Variants in MARCHF1 observed in about 807,000 individuals in gnomAD.
MARCHF1 encodes the protein membrane associated ring-CH-type finger 1.
Under a neutral mutation model 54.2 loss-of-function variants are expected in MARCHF1, and 40 were observed. The ratio of observed to expected loss-of-function variants is 0.74; its 90% CI spans 0.57 to 0.96. MARCHF1 has a LOEUF of 0.96. Among genes scored for constraint, MARCHF1 ranks in the 40% least tolerant of loss-of-function variants. The probability of loss-of-function intolerance (pLI) is 0.00; values close to 1 mark genes in which losing one functional copy is unlikely to be tolerated. For synonymous variants in MARCHF1, 236 were observed against 236.3 expected, an observed-to-expected ratio of 1.00 and a Z score of 0.01; for missense variants, 586 against 656.5, an observed-to-expected ratio of 0.89 and a Z score of 1.17.
chr4:164,106,028 C>T (rs1255458290), intron 2 of MARCHF1, among the ~76,000 whole-genome samples: 5 of 150,956 alleles, frequency 3.3e-5, no homozygotes, highest in Admixed American at 6.6e-5. Flanking sequence ...CTCATCATCA[C>T]TGGCCATCAG....
chr4:163,759,327 TC>T (rs1032787517), intron 4 of MARCHF1, among the ~76,000 whole-genome samples: 2 of 152,154 alleles, frequency 1.3e-5, no homozygotes, highest in African/African-American at 4.8e-5. Context: ...AACTTAATCT[TC>T]CAAAAGGTAC....
At chr4:163,617,245 A>C (rs752727677) in intron 5 of MARCHF1, among the ~76,000 whole-genome samples, 3 of 152,138 alleles carry the variant, frequency 2.0e-5, no homozygotes, top group Non-Finnish European at 2.9e-5. Flanking sequence ...GAGACTGGCA[A>C]GGATAGGGAA....
At chr4:164,001,239 C>T (rs1753181037) in intron 2 of MARCHF1, among the ~76,000 whole-genome samples, 1 of 151,706 alleles carries the variant, frequency 6.6e-6, no homozygotes, top group Non-Finnish European at 1.5e-5. Context: ...AGTAACTTCT[C>T]TTGTGGCCTA....
chr4:163,873,152 TTCTTCAGCTAATGAACAATC>T (rs1750214755), intron 3 of MARCHF1, among the ~76,000 whole-genome samples: 1 of 152,252 alleles, frequency 6.6e-6, no homozygotes, highest in Admixed American at 6.5e-5. Context: ...CTTAAGGTTT[TTCTTCAGCTAATGAACAATC>T]TCTCTCTTTC....
At chr4:163,732,027 G>A (rs1257419469) in intron 4 of MARCHF1, among the ~76,000 whole-genome samples, 6 of 152,078 alleles carry the variant, frequency 3.9e-5, no homozygotes, top group Non-Finnish European at 7.4e-5. Flanking sequence ...ATTGTTTGGT[G>A]TCAAATAAAT....
At chr4:164,243,934 A>G (rs1732856562) in intron 1 of MARCHF1, among the ~76,000 whole-genome samples, 1 of 152,240 alleles carries the variant, frequency 6.6e-6, no homozygotes, top group Admixed American at 6.5e-5. Context: ...TGCACCCAAT[A>G]CAGGAGCACC....
In MARCHF1 at chr4:163,648,455, TA is replaced by T. The variant is rs202178338; in HGVS notation, c.163-35063del. The stretch of plus-strand genomic sequence containing the variant: ...ATTTTAAGACATACTGACTGTTTCT[TA>T]AACATTTGAATAAATTTGATGCATA... On this transcript the variant is annotated intron_variant, in intron 5 of 9. Coordinates refer to ENST00000514618, the MANE Select transcript of MARCHF1 (RefSeq NM_001394959.1). Among the ~76,000 whole-genome samples the T allele has an allele frequency of 1.9e-4, 14 of 73,886 alleles. No homozygotes were observed. In the East Asian group the frequency reaches 4.6e-3, roughly 24 times the overall value. 48.5% of individuals were successfully genotyped at this position (73,886 alleles called of 152,430 possible).
chr4:164,283,177 TAGAG>T lies in MARCHF1; in HGVS notation c.-323+100689_-323+100692del, dbSNP rs1734067670. ...ATGTTTGTACACAAGCTTCTGAAGT[TAGAG>T]AGGAAAATCGCTTAACCTCGCTTAG... On this transcript the variant is annotated intron_variant, in intron 1 of 9. Coordinates refer to ENST00000514618, the MANE Select transcript of MARCHF1 (RefSeq NM_001394959.1). Among the ~76,000 whole-genome samples the T allele has an allele frequency of 2.0e-5, 3 of 151,140 alleles. No individual in the cohort carries two copies. The Admixed American group carries it at 2.0e-4, about 10-fold the overall frequency.
At chr4:164,107,920 C>T (rs542233328) in intron 2 of MARCHF1, among the ~76,000 whole-genome samples, 2 of 152,066 alleles carry the variant, frequency 1.3e-5, no homozygotes, top group Non-Finnish European at 2.9e-5. Context: ...CTCCATGAAT[C>T]ATTCACATAA....
At position 164,041,854 on chromosome 4, in the gene MARCHF1, C is replaced by T. The variant is rs180937685; in HGVS notation, c.-247-53145G>A. 2.9e-3 allele frequency among the ~76,000 whole-genome samples: 443 copies of T among 152,182 alleles called. 3 individuals are homozygous for T. The highest frequency in any genetic ancestry group is 9.6e-3 in the African/African-American group (399 of 41,528). ...ATGCTATAATATTTCATTTGCTTTT[C>T]TCTTTGTAGCTATCATAGAACACTA... On this transcript the variant is annotated intron_variant, in intron 2 of 9. Coordinates refer to ENST00000514618, the MANE Select transcript of MARCHF1 (RefSeq NM_001394959.1).
At chr4:163,823,743 T>C (rs13103455) in intron 4 of MARCHF1, among the ~76,000 whole-genome samples, 44,504 of 151,690 alleles carry the variant, frequency 0.29, 8,121 homozygotes, top group Non-Finnish European at 0.42. Flanking sequence ...AATTAACGTA[T>C]GCTAAAATAA....
At chr4:164,344,453 C>T (rs902940710) in intron 1 of MARCHF1, among the ~76,000 whole-genome samples, 3 of 138,852 alleles carry the variant, frequency 2.2e-5, no homozygotes, top group Admixed American at 7.4e-5. Flanking sequence ...TGCACATGCA[C>T]GTGTTTGTGT....
chr4:163,635,801 T>C (rs1250948661), intron 5 of MARCHF1, among the ~76,000 whole-genome samples: 1 of 152,088 alleles, frequency 6.6e-6, no homozygotes, highest in Non-Finnish European at 1.5e-5. Flanking sequence ...AAAAAGAGAA[T>C]TTTAGACCAA....
At chr4:164,158,699 C>A (rs189521578) in intron 1 of MARCHF1, among the ~76,000 whole-genome samples, 74 of 152,078 alleles carry the variant, frequency 4.9e-4, no homozygotes, top group African/African-American at 1.6e-3. Flanking sequence ...TAATTCTAAT[C>A]ATCTCATTTA....
At chr4:163,759,649 A>T (rs2110818587) in intron 4 of MARCHF1, among the ~76,000 whole-genome samples, 1 of 152,356 alleles carries the variant, frequency 6.6e-6, no homozygotes, top group East Asian at 1.9e-4. Flanking sequence ...ATCAAAGGAT[A>T]TAATGCAGTG....
intron 5 of MARCHF1, among the ~76,000 whole-genome samples, chr4:163,662,566 A>G (rs905858746): frequency 2.0e-5 from 3 of 151,830 alleles, no homozygotes; most frequent in African/African-American, 7.3e-5. Context: ...AGTTGTCTCT[A>G]CTTGCTCTAA....
intron 4 of MARCHF1, among the ~76,000 whole-genome samples, chr4:163,708,459 C>T (rs1267219493): frequency 6.6e-6 from 1 of 152,004 alleles, no homozygotes; most frequent in African/African-American, 2.4e-5. Context: ...ACAGAATAAA[C>T]AATGTTCATC....
intron 1 of MARCHF1, among the ~76,000 whole-genome samples, chr4:164,265,667 A>C (rs1286095950): frequency 6.6e-6 from 1 of 152,092 alleles, no homozygotes; most frequent in Non-Finnish European, 1.5e-5. Flanking sequence ...GCACCTGCTG[A>C]AGCCTGCTGC....
chr4:163,726,486 T>G (rs969825671), intron 4 of MARCHF1, among the ~76,000 whole-genome samples: 2 of 152,196 alleles, frequency 1.3e-5, no homozygotes, highest in African/African-American at 4.8e-5. Context: ...TGTCTGGATA[T>G]TCCACACTTT....
Sources: allele counts gnomAD v4.1 joint callset (sites outside exome capture counted in the v4.1 genomes callset), GRCh38; gene constraint gnomAD v4.1.1; transcripts MANE v1.5; gene names NCBI Gene and HGNC (gene_info 2026-07-23, HGNC 2026-07-21).